LPP: variants seen among roughly 807,000 people sequenced by gnomAD.
The protein encoded by LPP is lipoma-preferred partner.
LPP carries 38 observed loss-of-function variants against 60.4 expected under a neutral mutation model. The ratio of observed to expected loss-of-function variants is 0.63; its 90% CI spans 0.49 to 0.83. LPP has a LOEUF of 0.83. Ranked by LOEUF, LPP falls within the 40% of genes least tolerant of loss-of-function variation. The pLI is 0.00. For synonymous variants in LPP, 328 were observed against 290.8 expected (o/e 1.13, Z -1.30); for missense variants, 902 against 783.6 (o/e 1.15, Z -1.80).
At chr3:188,250,784 T>TTCTTTCTTTCTGTCTG (rs1553835749) in intron 2 of LPP, among the ~76,000 whole-genome samples, 1 of 116,850 alleles carries the variant, frequency 8.6e-6, no homozygotes, top group African/African-American at 3.7e-5. Flanking sequence ...CTTTCTTTCT[T>TTCTTTCTTTCTGTCTG]TCTGTCTTTC....
chr3:188,773,063 A>G (rs1023674611), intron 9 of LPP, among the ~76,000 whole-genome samples: 2 of 152,174 alleles, frequency 1.3e-5, no homozygotes, highest in African/African-American at 4.8e-5. Context: ...CATAAGAGCT[A>G]CTACACTCAA....
intron 7 of LPP, among the ~76,000 whole-genome samples, chr3:188,621,813 C>A (rs958303349): frequency 1.3e-5 from 2 of 152,088 alleles, no homozygotes; most frequent in Admixed American, 1.3e-4. Context: ...GCATGCACCA[C>A]CACGCCCAGC....
Position 188,408,863 on chromosome 3 carries a change from G to A in LPP, c.193+2550G>A, listed in dbSNP as rs558411138. Among the ~76,000 whole-genome samples the A allele has an allele frequency of 3.3e-5, 5 of 151,894 alleles. No individual in the cohort carries two copies. In the East Asian group the frequency reaches 5.8e-4, roughly 18 times the overall value. ...AGGCTGCTGTCCATATCCAGCATGC[G>A]GTACTGCCTGTCCTTCTATTCACAG... On this transcript the variant is annotated intron_variant, in intron 4 of 11. Transcript: ENST00000617246.
intron 2 of LPP, among the ~76,000 whole-genome samples, chr3:188,282,685 C>G (rs544318246): frequency 9.2e-5 from 14 of 152,248 alleles, no homozygotes; most frequent in African/African-American, 3.4e-4. Context: ...ATTCTTCATC[C>G]CAGGTGCAGT....
In LPP at chr3:188,875,934, C is replaced by G. The variant is rs1219063908; in HGVS notation, c.*1455C>G. The G allele has an allele frequency of 5.4e-6, 1 of 184,270 alleles. No individual in the cohort carries two copies. Among genetic ancestry groups the G allele is most frequent in the Non-Finnish European group, 1.2e-5 (1 of 86,826 alleles). The allele number at this position is 184,270 out of a possible 1,614,324, so 11.4% of individuals were successfully genotyped here. On this transcript the variant is annotated 3_prime_UTR_variant, in exon 12 of 12. Transcript: ENST00000617246. ...ATTTCTTAAATCTTTCTTCAAATCT[C>G]CCACAAGTATATACTTTTAAATTAT...
intron 2 of LPP, among the ~76,000 whole-genome samples, chr3:188,252,201 A>ATG (rs1285498090): frequency 9.7e-6 from 1 of 103,508 alleles, no homozygotes; most frequent in African/African-American, 3.7e-5. Context: ...ATATATATAT[A>ATG]TATATGTTTT....
At chr3:188,195,265 A>G (rs1458421011) in intron 1 of LPP, among the ~76,000 whole-genome samples, 1 of 151,984 alleles carries the variant, frequency 6.6e-6, no homozygotes, top group Non-Finnish European at 1.5e-5. Flanking sequence ...GTCAAAAAAA[A>G]AAAGAAAGAA....
At chr3:188,678,194 G>A (rs78273578) in intron 7 of LPP, among the ~76,000 whole-genome samples, 4,863 of 152,222 alleles carry the variant, frequency 0.032, 256 homozygotes, top group African/African-American at 0.11. Context: ...CTCAGTTTCC[G>A]TCATGCTGCT....
chr3:188,457,996 A>T (rs1025249942), intron 4 of LPP, among the ~76,000 whole-genome samples: 1 of 152,212 alleles, frequency 6.6e-6, no homozygotes, highest in Admixed American at 6.5e-5. Context: ...TATTGGTATT[A>T]AACTATGAGC....
intron 7 of LPP, among the ~76,000 whole-genome samples, chr3:188,668,819 T>C (rs145060780): frequency 1.3e-5 from 2 of 152,352 alleles, no homozygotes; most frequent in African/African-American, 4.8e-5. Flanking sequence ...CTGCTTATTG[T>C]TCATACTCTT....
At chr3:188,453,531 C>A (rs568493238) in intron 4 of LPP, among the ~76,000 whole-genome samples, 91 of 152,120 alleles carry the variant, frequency 6.0e-4, no homozygotes, top group African/African-American at 2.1e-3. Context: ...GCTTGTCTCA[C>A]CTCAGCGCCA....
intron 6 of LPP, among the ~76,000 whole-genome samples, chr3:188,607,370 G>GATAGATAT (rs1553941079): frequency 1.6e-4 from 16 of 102,728 alleles, no homozygotes; most frequent in African/African-American, 5.7e-4. Context: ...GAAAATAGAA[G>GATAGATAT]ATATATATAT....
At chr3:188,346,573 A>G (rs1213940086) in intron 3 of LPP, among the ~76,000 whole-genome samples, 1 of 151,928 alleles carries the variant, frequency 6.6e-6, no homozygotes, top group Admixed American at 6.6e-5. Flanking sequence ...CTAAAGTAGT[A>G]GTTCTTAATA....
chr3:188,639,532 A>C (rs561512745), intron 7 of LPP, among the ~76,000 whole-genome samples: 29,080 of 150,460 alleles, frequency 0.19, 2,953 homozygotes, highest in African/African-American at 0.28. Flanking sequence ...TAATTAAACT[A>C]AAGAGCTTCT....
chr3:188,301,237 C>T (rs748904240), intron 2 of LPP, among the ~76,000 whole-genome samples: 13 of 152,192 alleles, frequency 8.5e-5, no homozygotes, highest in Non-Finnish European at 1.5e-4. Flanking sequence ...TGTCTGCTCA[C>T]TGTCTATCTA....
chr3:188,834,515 C>T (rs907537109), intron 9 of LPP, among the ~76,000 whole-genome samples: 1 of 151,736 alleles, frequency 6.6e-6, no homozygotes, highest in African/African-American at 2.4e-5. Flanking sequence ...AAGGAAGTTG[C>T]CTGCTTTCTC....
At chr3:188,477,525 G>A (rs567947370) in intron 4 of LPP, among the ~76,000 whole-genome samples, 6 of 152,148 alleles carry the variant, frequency 3.9e-5, no homozygotes, top group Non-Finnish European at 8.8e-5. Flanking sequence ...GAGAAGTGAT[G>A]CATTAAATGG....
intron 1 of LPP, among the ~76,000 whole-genome samples, chr3:188,175,491 G>A (rs1722810995): frequency 6.6e-6 from 1 of 152,178 alleles, no homozygotes; most frequent in South Asian, 2.1e-4. Flanking sequence ...TATTTCAGCA[G>A]TAAACAGTCC....
chr3:188,590,375 C>T (rs1369488927), intron 6 of LPP, among the ~76,000 whole-genome samples: 1 of 152,044 alleles, frequency 6.6e-6, no homozygotes, highest in African/African-American at 2.4e-5. Context: ...GAGTTTGCGA[C>T]CAGCCTGGCC....
Sources: gnomAD v4.1 joint callset for allele counts (sites outside exome capture counted in the v4.1 genomes callset) on GRCh38, gnomAD v4.1.1 for gene constraint, MANE v1.5 for transcripts, NCBI Gene and HGNC (gene_info 2026-07-23, HGNC 2026-07-21) for gene names.